The following ARSB variants were observed in gnomAD, a reference collection of about 807,000 sequenced individuals.
ARSB encodes N-acetylgalactosamine-4-sulfatase.
A neutral mutation model predicts 50.9 loss-of-function variants in ARSB; 41 were observed. The ratio of observed to expected loss-of-function variants is 0.81; its 90% CI spans 0.63 to 1.04. The LOEUF is 1.04. ARSB is among the 50% of genes least tolerant of loss of function. ARSB has a pLI of 0.00. For synonymous variants in ARSB, 269 were observed against 284.8 expected, an observed-to-expected ratio of 0.94 and a Z score of 0.56; for missense variants, 672 against 693.3, an observed-to-expected ratio of 0.97 and a Z score of 0.35.
At chr5:78,807,836 G>A (rs1743624341) in intron 6 of ARSB, among the ~76,000 whole-genome samples, 1 of 152,106 alleles carries the variant, frequency 6.6e-6, no homozygotes, top group South Asian at 2.1e-4. Context: ...GCTCACGCCT[G>A]TAATCCCAGC....
intron 4 of ARSB, among the ~76,000 whole-genome samples, chr5:78,937,934 C>G (rs750755416): frequency 1.6e-4 from 24 of 152,118 alleles, no homozygotes; most frequent in Non-Finnish European, 2.8e-4. Flanking sequence ...GTGAAAAACT[C>G]TGAGGAGATG....
chr5:78,805,018 G>C (rs761830043), intron 6 of ARSB, among the ~76,000 whole-genome samples: 17 of 152,230 alleles, frequency 1.1e-4, no homozygotes, highest in Non-Finnish European at 1.9e-4. Context: ...AGGGTTTAGT[G>C]ATAGCAACAC....
intron 4 of ARSB, among the ~76,000 whole-genome samples, chr5:78,886,540 T>G (rs561135990): frequency 6.6e-6 from 1 of 152,206 alleles, no homozygotes; most frequent in South Asian, 2.1e-4. Context: ...ACAGAAGGAA[T>G]GGGAGATCTT....
At chr5:78,947,332 G>C (rs1381081181) in intron 4 of ARSB, among the ~76,000 whole-genome samples, 1 of 152,066 alleles carries the variant, frequency 6.6e-6, no homozygotes, top group Admixed American at 6.5e-5. Flanking sequence ...GACCAACAAA[G>C]TGAAGAGATA....
intron 3 of ARSB, among the ~76,000 whole-genome samples, chr5:78,962,524 A>ATTTTT (rs10683109): frequency 0.15 from 15,842 of 105,870 alleles, 1,488 homozygotes; most frequent in Middle Eastern, 0.17. Flanking sequence ...CATGTGCTCG[A>ATTTTT]TTTTTTTTTT....
intron 4 of ARSB, among the ~76,000 whole-genome samples, chr5:78,918,586 C>T (rs985011109): frequency 1.3e-5 from 2 of 152,078 alleles, no homozygotes; most frequent in Non-Finnish European, 2.9e-5. Flanking sequence ...CACAAATACA[C>T]ATCTAAAGAA....
At chr5:78,888,343 G>A (rs1335201123) in intron 4 of ARSB, among the ~76,000 whole-genome samples, 1 of 152,212 alleles carries the variant, frequency 6.6e-6, no homozygotes, top group African/African-American at 2.4e-5. Flanking sequence ...ATACTGCACA[G>A]AGTAGCAATC....
intron 1 of ARSB, among the ~76,000 whole-genome samples, chr5:78,972,983 A>T (rs1306698096): frequency 6.6e-6 from 1 of 152,196 alleles, no homozygotes; most frequent in African/African-American, 2.4e-5. Context: ...ATCCAAAAAC[A>T]TGTTTTCGGT....
rs1554032095 is a variant in ARSB, at chr5:78,984,961, G to C, written c.288C>G (p.Ser96Arg). Residue 96 changes from serine to arginine, a missense_variant, in exon 1 of 8, where the codon AGC becomes AGG. Coordinates refer to ENST00000264914, the MANE Select transcript of ARSB (RefSeq NM_000046.5). ...CCTGGTAGCGGCCAGTGAGCAGCTG[G>C]CTCCGCGACGGCGTGCACAGCGGCT... ...YTQPLCTPSR[S>R]QLLTGRYQIR... The C allele has an allele frequency of 1.4e-6, 2 of 1,479,192 alleles. No homozygotes were observed. Among genetic ancestry groups the C allele is most frequent in the Non-Finnish European group, 1.8e-6 (2 of 1,114,106 alleles). The allele number at this position is 1,479,192 out of a possible 1,614,324, so 91.6% of individuals were successfully genotyped here. A position where few individuals can be genotyped will look rare whatever the true frequency, so the allele number is the denominator to read the frequency against.
At chr5:78,826,997 T>C (rs1200458688) in intron 6 of ARSB, among the ~76,000 whole-genome samples, 1 of 152,086 alleles carries the variant, frequency 6.6e-6, no homozygotes, top group East Asian at 1.9e-4. Flanking sequence ...TACAGGGGGT[T>C]CATCCTAATA....
intron 4 of ARSB, among the ~76,000 whole-genome samples, chr5:78,919,873 T>C (rs569496755): frequency 6.2e-4 from 94 of 152,216 alleles, no homozygotes; most frequent in Non-Finnish European, 1.0e-3. Context: ...AGATTTTGAG[T>C]GATACATACC....
chr5:78,811,096 T>C (rs922485359), intron 6 of ARSB, among the ~76,000 whole-genome samples: 1 of 152,202 alleles, frequency 6.6e-6, no homozygotes, highest in Admixed American at 6.5e-5. Flanking sequence ...TACAGAAGCA[T>C]GCGTTTGACA....
At chr5:78,975,898 A>G (rs1446637685) in intron 1 of ARSB, among the ~76,000 whole-genome samples, 1 of 152,210 alleles carries the variant, frequency 6.6e-6, no homozygotes, top group Non-Finnish European at 1.5e-5. Context: ...TAAAATATGT[A>G]TTAGGAATAA....
intron 1 of ARSB, among the ~76,000 whole-genome samples, chr5:78,982,832 A>G (rs1752967845): frequency 6.6e-6 from 1 of 152,180 alleles, no homozygotes; most frequent in African/African-American, 2.4e-5. Context: ...AGTGGGTGAG[A>G]AAACTGGAGG....
chr5:78,805,277 G>T (rs1344145494), intron 6 of ARSB, among the ~76,000 whole-genome samples: 1 of 152,214 alleles, frequency 6.6e-6, no homozygotes, highest in Non-Finnish European at 1.5e-5. Context: ...TCTGTATGGA[G>T]AATCTGCCAT....
intron 6 of ARSB, chr5:78,816,131 A>G (rs759717241): frequency 1.2e-6 from 2 of 1,614,084 alleles, no homozygotes; most frequent in Non-Finnish European, 1.7e-6. Context: ...AACACACAAA[A>G]TGACTTTCCT....
At chr5:78,972,092 C>T (rs1752475686) in intron 1 of ARSB, among the ~76,000 whole-genome samples, 1 of 152,168 alleles carries the variant, frequency 6.6e-6, no homozygotes, top group Admixed American at 6.5e-5. Context: ...TCAAAGGACA[C>T]TTGTCTTCAG....
At chr5:78,921,994 T>C (rs1749833434) in intron 4 of ARSB, among the ~76,000 whole-genome samples, 1 of 152,110 alleles carries the variant, frequency 6.6e-6, no homozygotes, top group Non-Finnish European at 1.5e-5. Flanking sequence ...AGAATTCAGC[T>C]GGCACCCGTG....
intron 1 of ARSB, among the ~76,000 whole-genome samples, chr5:78,982,328 A>T (rs1752939831): frequency 6.6e-6 from 1 of 152,260 alleles, no homozygotes; most frequent in Non-Finnish European, 1.5e-5. Context: ...CTCAGAAATA[A>T]AATCTATTTT....
Sources: gnomAD v4.1 joint callset for allele counts (sites outside exome capture counted in the v4.1 genomes callset) on GRCh38, gnomAD v4.1.1 for gene constraint, MANE v1.5 for transcripts, NCBI Gene and HGNC (gene_info 2026-07-23, HGNC 2026-07-21) for gene names.